The following DYRK1A variants were observed in gnomAD, a reference collection of about 807,000 sequenced individuals.
DYRK1A encodes the protein dual specificity tyrosine phosphorylation regulated kinase 1A.
In DYRK1A, 9 loss-of-function variants were observed where a neutral mutation model predicts 79.7. The ratio of observed to expected loss-of-function variants is 0.11; its 90% CI spans 0.07 to 0.20. DYRK1A has a LOEUF of 0.20. DYRK1A is among the 10% of genes least tolerant of loss of function. The probability of loss-of-function intolerance (pLI) is 1.00; values close to 1 mark genes in which losing one functional copy is unlikely to be tolerated. For missense variants in DYRK1A, 622 were observed against 956.0 expected (o/e 0.65, Z 4.61); for synonymous variants, 349 against 329.7 (o/e 1.06, Z -0.63).
At chr21:37,480,603 A>T in intron 4 of DYRK1A, 35 bp from the exon 5 acceptor site, 1 of 1,507,784 alleles carries the variant, frequency 6.6e-7, no homozygotes, top group Non-Finnish European at 8.9e-7. Context: ...CAGTGATTTA[A>T]ATTTTACAGT....
chr21:37,503,238 C>T (rs1402462676), intron 9 of DYRK1A: 1 of 152,184 alleles, frequency 6.6e-6, no homozygotes, highest in South Asian at 2.1e-4. Flanking sequence ...TTCTAGTTCT[C>T]CAGTGATGTG....
chr21:37,425,438 C>T lies in DYRK1A; in HGVS notation c.10+5054C>T, dbSNP rs180842793. On this transcript the variant is annotated intron_variant, in intron 2 of 11. Coordinates refer to ENST00000647188, the MANE Select transcript of DYRK1A (RefSeq NM_001347721.2). ...AAGTGGAAGCAATTAATAATGATTA[C>T]ATTATGTATGTGTCATATGAAAAAG... is the stretch of plus-strand genomic sequence containing the variant. Among the ~76,000 whole-genome samples the T allele has an allele frequency of 7.9e-4, 120 of 152,012 alleles. 1 individual carries two copies. Among genetic ancestry groups the T allele is most frequent in the Non-Finnish European group, 1.5e-3 (100 of 67,990 alleles).
rs1284753995 is a variant in DYRK1A at position 37,479,623 on chromosome 21, T to TG, written c.301-1015_301-1014insG. On this transcript the variant is annotated intron_variant, in intron 4 of 11. Transcript: ENST00000647188. Reference sequence around the variant, plus strand: ...TTGTTTTTGTTTTTGTTTTTTGTTTTTTTTTTTTTTTTTGGAGACAGAGTC... The same window carrying TG: ...TTGTTTTTGTTTTTGTTTTTTGTTTTGTTTTTTTTTTTTTGGAGACAGAGTC... Among the ~76,000 whole-genome samples the TG allele has an allele frequency of 2.8e-5, 3 of 106,584 alleles. No individual in the cohort carries two copies. In the South Asian group the frequency reaches 9.2e-4, roughly 33 times the overall value. 69.9% of individuals were successfully genotyped at this position (106,584 alleles called of 152,430 possible).
At chr21:37,443,338 T>C (rs183289797) in intron 2 of DYRK1A, among the ~76,000 whole-genome samples, 30 of 152,276 alleles carry the variant, frequency 2.0e-4, no homozygotes, top group African/African-American at 7.2e-4. Flanking sequence ...TTCTGTTAAT[T>C]CTAACAGCTG....
chr21:37,475,689 A>G (rs1382530916), intron 3 of DYRK1A, among the ~76,000 whole-genome samples: 10 of 152,354 alleles, frequency 6.6e-5, no homozygotes, highest in African/African-American at 2.2e-4. Context: ...AAGATTAGCA[A>G]CATTTTGTGA....
intron 1 of DYRK1A, among the ~76,000 whole-genome samples, chr21:37,377,022 T>A (rs1301195816): frequency 6.6e-6 from 1 of 152,090 alleles, no homozygotes; most frequent in African/African-American, 2.4e-5. Context: ...CATAGACAGG[T>A]GTGTGTGTGT....
chr21:37,523,433 G>A lies in DYRK1A; in HGVS notation c.*10902G>A, dbSNP rs1460428851. ...GCTCTCCAGGACCCTGAACAAAGGT[G>A]GAAGTAGGGTTGTAAATGGAAGAAA... On this transcript the variant is annotated 3_prime_UTR_variant, in exon 12 of 12. Coordinates refer to ENST00000647188, the MANE Select transcript of DYRK1A (RefSeq NM_001347721.2). 1 of 152,186 alleles carries A rather than the reference G, an allele frequency of 6.6e-6. No individual in the cohort carries two copies. The highest frequency in any genetic ancestry group is 1.5e-5 in the Non-Finnish European group (1 of 68,046). The allele number at this position is 152,186 out of a possible 1,614,324, so 9.4% of individuals were successfully genotyped here.
chr21:37,417,865 G>T (rs1400999932), intron 1 of DYRK1A, among the ~76,000 whole-genome samples: 1 of 152,114 alleles, frequency 6.6e-6, no homozygotes, highest in African/African-American at 2.4e-5. Context: ...TAGAAGATTT[G>T]AGGGTCATGA....
intron 11 of DYRK1A, among the ~76,000 whole-genome samples, chr21:37,507,317 G>A (rs146295209): frequency 4.6e-5 from 7 of 152,076 alleles, no homozygotes; most frequent in African/African-American, 9.6e-5. Flanking sequence ...CCTCAGCTCC[G>A]GTGTCTTCAC....
intron 2 of DYRK1A, among the ~76,000 whole-genome samples, chr21:37,441,962 G>GTTT (rs34848736): frequency 9.9e-4 from 138 of 139,990 alleles, no homozygotes; most frequent in East Asian, 7.5e-3. Flanking sequence ...TTATTTTGCT[G>GTTT]TTTTTTTTTT....
At chr21:37,394,822 C>T (rs1266810604) in intron 1 of DYRK1A, among the ~76,000 whole-genome samples, 2 of 152,120 alleles carry the variant, frequency 1.3e-5, no homozygotes, top group Non-Finnish European at 2.9e-5. Context: ...CACGTTGCAC[C>T]TAAAGTAGCA....
intron 5 of DYRK1A, among the ~76,000 whole-genome samples, chr21:37,481,839 C>G (rs981997462): frequency 3.3e-5 from 5 of 149,896 alleles, no homozygotes; most frequent in Non-Finnish European, 7.4e-5. Context: ...GACCTTGTCT[C>G]TATTCATTTA....
intron 9 of DYRK1A, chr21:37,504,134 C>T (rs1454664183): frequency 1.3e-5 from 2 of 152,234 alleles, no homozygotes; most frequent in African/African-American, 4.8e-5. Context: ...ATTCTACTCC[C>T]CACTGTTTTC....
chr21:37,510,590 A>G (rs945715956), intron 11 of DYRK1A, among the ~76,000 whole-genome samples: 4 of 152,242 alleles, frequency 2.6e-5, no homozygotes, highest in African/African-American at 2.4e-5. Flanking sequence ...AAACTCTGAT[A>G]TAACAGACCC....
chr21:37,408,984 T>C (rs906494984), intron 1 of DYRK1A, among the ~76,000 whole-genome samples: 1 of 152,144 alleles, frequency 6.6e-6, no homozygotes, highest in African/African-American at 2.4e-5. Context: ...GCATAAATAC[T>C]GTTGTGCCAG....
intron 5 of DYRK1A, among the ~76,000 whole-genome samples, chr21:37,483,653 A>T (rs193002004): frequency 6.6e-6 from 1 of 152,110 alleles, no homozygotes; most frequent in East Asian, 1.9e-4. Context: ...AGTAGTGATC[A>T]TGGTTCACTG....
intron 2 of DYRK1A, among the ~76,000 whole-genome samples, chr21:37,436,011 G>T (rs928367668): frequency 3.3e-5 from 5 of 152,008 alleles, no homozygotes; most frequent in African/African-American, 1.2e-4. Flanking sequence ...TCAGTTCTTT[G>T]TTTAAGGAAC....
rs1404111222 is a variant in DYRK1A at position 37,492,943 on chromosome 21, G to A, written c.925-74G>A. ...AGCCAATTCTTTTCTGTTAATATCA[G>A]ATCAATGTTTTTAATCCAATGCTGA... On this transcript the variant is annotated intron_variant, in intron 7 of 11. Transcript: ENST00000647188. 4 of 1,264,682 alleles carry A rather than the reference G, an allele frequency of 3.2e-6. No individual in the cohort carries two copies. In the Admixed American group the frequency reaches 7.8e-5, roughly 25 times the overall value. The allele number at this position is 1,264,682 out of a possible 1,614,324, so 78.3% of individuals were successfully genotyped here.
intron 3 of DYRK1A, among the ~76,000 whole-genome samples, chr21:37,477,989 C>T (rs189322534): frequency 2.8e-4 from 43 of 152,302 alleles, no homozygotes; most frequent in African/African-American, 9.4e-4. Context: ...GGCAGCTGGG[C>T]ATATTATCCT....
Sources: gnomAD v4.1 joint callset for allele counts (sites outside exome capture counted in the v4.1 genomes callset) on GRCh38, gnomAD v4.1.1 for gene constraint, MANE v1.5 for transcripts, NCBI Gene and HGNC (gene_info 2026-07-23, HGNC 2026-07-21) for gene names.